The following CBR4 variants were observed in gnomAD, a reference collection of about 807,000 sequenced individuals.
CBR4 encodes 3-oxoacyl-[acyl-carrier-protein] reductase.
A neutral mutation model predicts 21.0 loss-of-function variants in CBR4; 22 were observed. The ratio of observed to expected loss-of-function variants is 1.05; its 90% CI spans 0.75 to 1.50. The LOEUF (loss-of-function observed/expected upper bound fraction) is 1.50, where lower values mean the gene tolerates loss of function less well. Ranked by LOEUF, CBR4 falls within the 40% of genes most tolerant of loss-of-function variation. The pLI, the probability that CBR4 is intolerant of heterozygous loss-of-function variation, is 0.00. For missense variants in CBR4, 302 were observed against 286.3 expected (o/e 1.05, Z -0.40); for synonymous variants, 100 against 104.4 (o/e 0.96, Z 0.26).
intron 2 of CBR4, among the ~76,000 whole-genome samples, chr4:168,900,403 A>G (rs1449744548): frequency 2.0e-5 from 3 of 152,232 alleles, no homozygotes; most frequent in Admixed American, 1.3e-4. Flanking sequence ...ACAATTTTAA[A>G]AAGAATGGAA....
chr4:168,979,230 A>C (rs1373959911), intron 2 of CBR4, among the ~76,000 whole-genome samples: 1 of 148,936 alleles, frequency 6.7e-6, no homozygotes, highest in Non-Finnish European at 1.5e-5. Context: ...GTAGCTCTGC[A>C]CTTCCCTAGG....
intron 2 of CBR4, among the ~76,000 whole-genome samples, chr4:169,007,117 G>A (rs1338523966): frequency 6.6e-6 from 1 of 152,148 alleles, no homozygotes; most frequent in Non-Finnish European, 1.5e-5. Flanking sequence ...CCCCTTCTCA[G>A]CTTGAGTGGC....
At chr4:168,910,521 G>C (rs182229069) in intron 2 of CBR4, among the ~76,000 whole-genome samples, 1 of 152,014 alleles carries the variant, frequency 6.6e-6, no homozygotes, top group Non-Finnish European at 1.5e-5. Context: ...AATTCTAAAG[G>C]ATGCCTCAAA....
intron 2 of CBR4, among the ~76,000 whole-genome samples, chr4:168,956,597 C>CAAAAAAAAAAAAAAAAAAAAAA (rs59962690): frequency 3.4e-5 from 1 of 29,674 alleles, no homozygotes; most frequent in Admixed American, 5.5e-4. Context: ...GACCCTGTCT[C>CAAAAAAAAAAAAAAAAAAAAAA]AAAAAAAAAA....
chr4:168,963,482 T>A (rs986515380), intron 2 of CBR4, among the ~76,000 whole-genome samples: 5 of 151,460 alleles, frequency 3.3e-5, no homozygotes, highest in Non-Finnish European at 7.4e-5. Context: ...TTTTTTTTTT[T>A]TTTTTGAGAT....
downstream of CBR4, among the ~76,000 whole-genome samples, chr4:168,986,889 C>T (rs561655428): frequency 6.6e-6 from 1 of 152,120 alleles, no homozygotes; most frequent in Admixed American, 6.6e-5. Flanking sequence ...TGGCAGTGAG[C>T]TGTGATCATG....
rs537823868 is a variant in CBR4, at chr4:168,914,407, C to A, written n.170-19642G>T. On this transcript the variant is annotated intron_variant and non_coding_transcript_variant, in intron 2 of 3. Transcript: ENST00000509108. Reference sequence around the variant, plus strand: ...TGGACGCACACATTAAAAGCTATTACCACTGGGTTTCTTAAAATCAGCTCA... The same window carrying A: ...TGGACGCACACATTAAAAGCTATTAACACTGGGTTTCTTAAAATCAGCTCA... Among the ~76,000 whole-genome samples the A allele has an allele frequency of 1.1e-4, 16 of 152,278 alleles. No homozygotes were observed. The South Asian group carries it at 3.1e-3, about 30-fold the overall frequency.
chr4:168,981,494 T>C (rs1425545426), intron 2 of CBR4, among the ~76,000 whole-genome samples: 1 of 152,162 alleles, frequency 6.6e-6, no homozygotes, highest in Non-Finnish European at 1.5e-5. Flanking sequence ...TCAGAAGTAT[T>C]AATAGCAGAA....
rs1560872419 is a variant in CBR4 at position 168,894,612 on chromosome 4, C to G, written n.323G>C. 6.2e-7 allele frequency: 1 copy of G among 1,613,534 alleles called. No homozygotes were observed. On this transcript the variant is annotated non_coding_transcript_exon_variant, in exon 3 of 4. Coordinates refer to the CBR4 transcript ENST00000509108. ...ATACGAAGAAAGAATGGCTCGTCGACTGCTAGGTGCTGACAGTGCAACTGT... is the reference window on the plus strand; with the variant it reads ...ATACGAAGAAAGAATGGCTCGTCGAGTGCTAGGTGCTGACAGTGCAACTGT...
rs184974876 is a variant in CBR4 at position 168,987,994 on chromosome 4, T to C, written c.*2156A>G. ...TAAGCACAGAACCCTTATGGGCTCA[T>C]AGGAGTCAGCAAACAGCTACAGATG... is the stretch of plus-strand genomic sequence containing the variant. On this transcript the variant is annotated 3_prime_UTR_variant, in exon 5 of 5. Transcript: ENST00000306193. 69 of 985,430 alleles carry C rather than the reference T, an allele frequency of 7.0e-5. 1 individual carries two copies. In the East Asian group the frequency reaches 2.8e-3, roughly 41 times the overall value. 61.0% of individuals were successfully genotyped at this position (985,430 alleles called of 1,614,324 possible). A position where few individuals can be genotyped will look rare whatever the true frequency, so the allele number is the denominator to read the frequency against.
chr4:168,913,077 A>G (rs1311013261), intron 2 of CBR4, among the ~76,000 whole-genome samples: 3 of 151,830 alleles, frequency 2.0e-5, no homozygotes, highest in South Asian at 2.1e-4. Context: ...TACTTCTTAC[A>G]TAACACTCAT....
chr4:168,977,636 T>G (rs571986259), intron 2 of CBR4, among the ~76,000 whole-genome samples: 1 of 152,330 alleles, frequency 6.6e-6, no homozygotes, highest in African/African-American at 2.4e-5. Context: ...GGATTTCCCC[T>G]CTGAGTTTCT....
chr4:168,907,494 G>GGCTTGGGTGGAGGAGCTGTGA (rs1758047228), intron 2 of CBR4, among the ~76,000 whole-genome samples: 1 of 152,144 alleles, frequency 6.6e-6, no homozygotes, highest in East Asian at 1.9e-4. Flanking sequence ...CACAGCTGTG[G>GGCTTGGGTGGAGGAGCTGTGA]GCTTGGGTGG....
At chr4:168,928,098 G>A (rs955309274) in intron 2 of CBR4, 6 of 194,990 alleles carry the variant, frequency 3.1e-5, no homozygotes, top group South Asian at 1.9e-4. Flanking sequence ...CTTGAGCACC[G>A]GGTGGCAGAT....
intron 4 of CBR4, 119 bp from the exon 5 acceptor site, chr4:168,990,447 T>A: frequency 9.5e-7 from 1 of 1,053,906 alleles, no homozygotes; most frequent in Non-Finnish European, 1.3e-6. Flanking sequence ...AAAAAAAAAT[T>A]TTTTTTTGAG....
chr4:168,956,223 G>A (rs886728122), intron 2 of CBR4, among the ~76,000 whole-genome samples: 6 of 152,122 alleles, frequency 3.9e-5, no homozygotes, highest in Admixed American at 6.5e-5. Flanking sequence ...GGAAAAGACT[G>A]GAATACGAAA....
At chr4:168,985,886 A>G (rs1330964645), downstream of CBR4, among the ~76,000 whole-genome samples, 1 of 152,156 alleles carries the variant, frequency 6.6e-6, no homozygotes, top group African/African-American at 2.4e-5. Flanking sequence ...AAAGGGAACA[A>G]TACACACTGG....
intron 2 of CBR4, among the ~76,000 whole-genome samples, chr4:168,905,724 G>A (rs1379225419): frequency 1.3e-5 from 2 of 150,408 alleles, no homozygotes; most frequent in Non-Finnish European, 3.0e-5. Context: ...TTAAGAAGTT[G>A]CATTTTAATG....
At chr4:168,937,609 G>C (rs532066862) in intron 2 of CBR4, among the ~76,000 whole-genome samples, 2 of 139,950 alleles carry the variant, frequency 1.4e-5, no homozygotes, top group Non-Finnish European at 3.1e-5. Flanking sequence ...ATAAATGGAA[G>C]AATATTTACC....
Sources: gnomAD v4.1 joint callset for allele counts (sites outside exome capture counted in the v4.1 genomes callset) on GRCh38, gnomAD v4.1.1 for gene constraint, MANE v1.5 for transcripts, NCBI Gene and HGNC (gene_info 2026-07-23, HGNC 2026-07-21) for gene names.